The following FAM149B1 variants were observed in gnomAD, a reference collection of about 807,000 sequenced individuals.
FAM149B1 encodes the protein primary cilium assembly protein FAM149B1.
A neutral mutation model predicts 75.3 loss-of-function variants in FAM149B1; 56 were observed. That is an observed-to-expected ratio of 0.74 (90% CI 0.60 to 0.93). The LOEUF is 0.93. Among genes scored for constraint, FAM149B1 ranks in the 40% least tolerant of loss-of-function variants. The probability of loss-of-function intolerance (pLI) is 0.00; values close to 1 mark genes in which losing one functional copy is unlikely to be tolerated. For missense variants in FAM149B1, 639 were observed against 708.4 expected (o/e 0.90, Z 1.11); for synonymous variants, 259 against 256.1 (o/e 1.01, Z -0.11).
In FAM149B1 at chr10:73,244,151, A is replaced by G; in HGVS notation, c.*3132A>G. ...TACCATTTGTTTTTTACCCAATTCT[A>G]TTTGCTAGAGGTAGTAAGTACTCTG... On this transcript the variant is annotated 3_prime_UTR_variant, in exon 14 of 14. Coordinates refer to ENST00000242505, the MANE Select transcript of FAM149B1 (RefSeq NM_173348.2). 1 of 542,188 alleles carries G rather than the reference A, an allele frequency of 1.8e-6. No homozygotes were observed. The highest frequency in any genetic ancestry group is 3.3e-6 in the Non-Finnish European group (1 of 307,620). 33.6% of individuals were successfully genotyped at this position (542,188 alleles called of 1,614,324 possible).
intron 5 of FAM149B1, among the ~76,000 whole-genome samples, chr10:73,202,145 A>G (rs2042953948): frequency 6.6e-6 from 1 of 152,194 alleles, no homozygotes; most frequent in African/African-American, 2.4e-5. Flanking sequence ...AGCCTGGGCG[A>G]CAGAGCGAGA....
intron 7 of FAM149B1, among the ~76,000 whole-genome samples, chr10:73,212,756 T>C (rs983679162): frequency 2.0e-5 from 3 of 151,574 alleles, no homozygotes; most frequent in Non-Finnish European, 4.4e-5. Flanking sequence ...CTTCACATCC[T>C]TGCCAACATC....
chr10:73,224,633 A>T (rs2043494920), intron 7 of FAM149B1, among the ~76,000 whole-genome samples: 1 of 151,718 alleles, frequency 6.6e-6, no homozygotes, highest in South Asian at 2.1e-4. Flanking sequence ...CACCACACCC[A>T]GCTATTTTTT....
At chr10:73,174,883 T>A in intron 2 of FAM149B1, 92 bp downstream of exon 2, 1 of 824,798 alleles carries the variant, frequency 1.2e-6, no homozygotes, top group Non-Finnish European at 2.0e-6. Flanking sequence ...AGCCTTGTGC[T>A]AATGAAAACA....
intron 4 of FAM149B1, among the ~76,000 whole-genome samples, 159 bp from the exon 5 acceptor site, chr10:73,193,312 ATACCTG>A (rs1320247060): frequency 5.3e-5 from 8 of 152,088 alleles, no homozygotes; most frequent in Admixed American, 5.2e-4. Context: ...TGGAAGAGAT[ATACCTG>A]TAGTAAGGCT....
intron 7 of FAM149B1, among the ~76,000 whole-genome samples, chr10:73,216,409 T>C (rs928912204): frequency 2.0e-5 from 3 of 152,240 alleles, no homozygotes; most frequent in African/African-American, 7.2e-5. Flanking sequence ...TTAACATTGA[T>C]ATGTGAGACT....
intron 5 of FAM149B1, among the ~76,000 whole-genome samples, chr10:73,198,214 A>G (rs372915750): frequency 2.5e-4 from 38 of 152,306 alleles, no homozygotes; most frequent in East Asian, 5.8e-4. Context: ...CTCAAAATAG[A>G]TCAAAGACCT....
chr10:73,211,130 CAG>C (rs372816930), intron 7 of FAM149B1, among the ~76,000 whole-genome samples: 4 of 152,302 alleles, frequency 2.6e-5, no homozygotes, highest in African/African-American at 7.2e-5. Flanking sequence ...AGAAGTCTAC[CAG>C]AGAGACTAGG....
At chr10:73,204,733 G>A (rs1043380148) in intron 5 of FAM149B1, among the ~76,000 whole-genome samples, 34 of 149,842 alleles carry the variant, frequency 2.3e-4, no homozygotes, top group Non-Finnish European at 3.8e-4. Flanking sequence ...ATATAACCTC[G>A]TGAGATATCT....
intron 12 of FAM149B1, among the ~76,000 whole-genome samples, chr10:73,238,523 AT>A (rs2043873957): frequency 6.6e-6 from 1 of 152,236 alleles, no homozygotes; most frequent in Non-Finnish European, 1.5e-5. Flanking sequence ...CACCAAGCTC[AT>A]TTATGTGCTA....
chr10:73,178,220 GGT>G (rs529006867), intron 3 of FAM149B1, among the ~76,000 whole-genome samples: 21 of 152,302 alleles, frequency 1.4e-4, no homozygotes, highest in African/African-American at 5.1e-4. Context: ...GGCCGGGCAC[GGT>G]GGCTCACGCC....
chr10:73,235,500 A>C, intron 12 of FAM149B1, 182 bp downstream of exon 12: 1 of 1,346,174 alleles, frequency 7.4e-7, no homozygotes. Flanking sequence ...CCTGATGCCT[A>C]TTCTTTAATG....
chr10:73,192,781 G>A, intron 4 of FAM149B1, 83 bp downstream of exon 4: 1 of 1,264,332 alleles, frequency 7.9e-7, no homozygotes, highest in South Asian at 1.7e-5. Context: ...CTTGTATTCT[G>A]AAATCTTTAT....
intron 3 of FAM149B1, among the ~76,000 whole-genome samples, chr10:73,189,429 T>C (rs1352013088): frequency 6.6e-6 from 1 of 152,230 alleles, no homozygotes; most frequent in Non-Finnish European, 1.5e-5. Flanking sequence ...AAAAGACTTG[T>C]ACATGAATGT....
intron 7 of FAM149B1, among the ~76,000 whole-genome samples, chr10:73,217,937 C>T (rs2043332405): frequency 1.3e-5 from 2 of 152,152 alleles, no homozygotes; most frequent in African/African-American, 4.8e-5. Flanking sequence ...AGCATCAGCT[C>T]AAAGGTCCAG....
intron 10 of FAM149B1, 76 bp downstream of exon 10, chr10:73,233,239 A>C (rs2043752581): frequency 9.5e-7 from 1 of 1,052,366 alleles, no homozygotes; most frequent in Non-Finnish European, 1.4e-6. Context: ...ATTTAAATAT[A>C]AGACTGAAAT....
chr10:73,227,958 T>G (rs2043592841), intron 7 of FAM149B1, 102 bp from the exon 8 acceptor site: 3 of 1,206,474 alleles, frequency 2.5e-6, no homozygotes, highest in South Asian at 1.4e-5. Context: ...AAGTGAAGCC[T>G]TGTTTGAGAT....
At chr10:73,230,275 CTACGGGCCCCAAG>C (rs2043656249) in intron 8 of FAM149B1, 134 bp from the exon 9 acceptor site, 1 of 559,782 alleles carries the variant, frequency 1.8e-6, no homozygotes, top group African/African-American at 1.9e-5. Context: ...GGGGCCCCAG[CTACGGGCCCCAAG>C]ATGTTATAAA....
At chr10:73,178,043 A>G (rs988982139) in intron 3 of FAM149B1, 68 bp downstream of exon 3, 24 of 1,430,030 alleles carry the variant, frequency 1.7e-5, no homozygotes, top group South Asian at 5.5e-5. Flanking sequence ...ATTTGTCAGT[A>G]TATTTCATTC....
Sources: gnomAD v4.1 joint callset for allele counts (sites outside exome capture counted in the v4.1 genomes callset) on GRCh38, gnomAD v4.1.1 for gene constraint, MANE v1.5 for transcripts, NCBI Gene and HGNC (gene_info 2026-07-23, HGNC 2026-07-21) for gene names.